Variants in TRPM3 observed in about 807,000 individuals in gnomAD.
The protein encoded by TRPM3 is long transient receptor potential channel 3.
Under a neutral mutation model 181.2 loss-of-function variants are expected in TRPM3, and 77 were observed. The ratio of observed to expected loss-of-function variants is 0.42; its 90% CI spans 0.35 to 0.51. The LOEUF is 0.51. Among genes scored for constraint, TRPM3 ranks in the 20% least tolerant of loss-of-function variants. The pLI, the probability that TRPM3 is intolerant of heterozygous loss-of-function variation, is 0.01. For synonymous variants in TRPM3, 745 were observed against 796.4 expected, an observed-to-expected ratio of 0.94 and a Z score of 1.09; for missense variants, 1,759 against 2,196.7, an observed-to-expected ratio of 0.80 and a Z score of 3.98.
At chr9:70,923,820 CTCTCTCTCTA>C (rs1317570983) in intron 1 of TRPM3, among the ~76,000 whole-genome samples, 16 of 140,502 alleles carry the variant, frequency 1.1e-4, no homozygotes, top group Admixed American at 2.1e-4. Context: ...CTCTCTCTCT[CTCTCTCTCTA>C]TATATATATA....
At chr9:70,749,146 A>G (rs1319218185) in intron 8 of TRPM3, among the ~76,000 whole-genome samples, 1 of 152,092 alleles carries the variant, frequency 6.6e-6, no homozygotes. Context: ...TACAGTCCCA[A>G]TGTCCTGGGA....
chr9:71,353,503 C>T (rs562529400), intron 1 of TRPM3, among the ~76,000 whole-genome samples: 1 of 152,242 alleles, frequency 6.6e-6, no homozygotes, highest in South Asian at 2.1e-4. Context: ...GGGTTAAGGG[C>T]AATCAACAGT....
chr9:71,293,780 C>T (rs2086027451), intron 1 of TRPM3, among the ~76,000 whole-genome samples: 1 of 151,824 alleles, frequency 6.6e-6, no homozygotes, highest in African/African-American at 2.4e-5. Flanking sequence ...TATATCCCTA[C>T]CAGTTATTAA....
intron 1 of TRPM3, among the ~76,000 whole-genome samples, chr9:70,922,800 G>T (rs1041320557): frequency 6.6e-6 from 1 of 152,070 alleles, no homozygotes; most frequent in African/African-American, 2.4e-5. Context: ...TCTCAGTCTC[G>T]TTTTCTTTCC....
At chr9:70,754,602 C>G (rs1278234821) in intron 8 of TRPM3, among the ~76,000 whole-genome samples, 1 of 152,134 alleles carries the variant, frequency 6.6e-6, no homozygotes, top group Non-Finnish European at 1.5e-5. Context: ...CCACAGCACC[C>G]AGAGGCCCAT....
At chr9:71,276,883 T>C (rs2132163771) in intron 1 of TRPM3, among the ~76,000 whole-genome samples, 1 of 152,248 alleles carries the variant, frequency 6.6e-6, no homozygotes, top group East Asian at 1.9e-4. Context: ...GCAATAAAAC[T>C]GGAAAACCCC....
intron 1 of TRPM3, among the ~76,000 whole-genome samples, chr9:71,324,670 T>C (rs563790402): frequency 3.9e-5 from 6 of 152,206 alleles, no homozygotes; most frequent in Non-Finnish European, 5.9e-5. Flanking sequence ...TGCACTCACA[T>C]GTTTATAGCA....
In TRPM3 at chr9:71,121,578, A is replaced by G; in HGVS notation, c.-224T>C. The G allele has an allele frequency of 1.5e-6, 2 of 1,332,042 alleles. No individual in the cohort carries two copies. The highest frequency in any genetic ancestry group is 9.6e-7 in the Non-Finnish European group (1 of 1,043,274). 82.5% of individuals were successfully genotyped at this position (1,332,042 alleles called of 1,614,324 possible). ...ATTTTGAAGAAGAGGGACAGCCTGC[A>G]CAAAACAGCCTGTGGTCGGAGTCAA... On this transcript the variant is annotated 5_prime_UTR_variant, in exon 1 of 26. Coordinates refer to ENST00000677713, the MANE Select transcript of TRPM3 (RefSeq NM_001366145.2).
Position 71,404,395 on chromosome 9 carries a change from A to G in TRPM3, c.183+42258T>C, listed in dbSNP as rs867961846. On this transcript the variant is annotated intron_variant, in intron 1 of 24. Coordinates refer to the TRPM3 transcript ENST00000357533. ...CTGAACAACATAGTATAACATGGGA[A>G]TCTTTTTAGGATTTGAAATTATACC... Among the ~76,000 whole-genome samples the G allele has an allele frequency of 3.9e-5, 6 of 152,310 alleles. No homozygotes were observed. In the Middle Eastern group the frequency reaches 0.01, roughly 259 times the overall value.
chr9:70,802,015 G>C (rs1348639514), intron 6 of TRPM3, among the ~76,000 whole-genome samples: 2 of 152,220 alleles, frequency 1.3e-5, no homozygotes, highest in African/African-American at 4.8e-5. Flanking sequence ...CACCTCCAGA[G>C]CTTCTGATCA....
chr9:70,599,954 C>T (rs1038466223), intron 20 of TRPM3, among the ~76,000 whole-genome samples: 2 of 152,106 alleles, frequency 1.3e-5, no homozygotes, highest in African/African-American at 4.8e-5. Context: ...CCCTTTGTAC[C>T]CCAGGCCTGT....
At chr9:70,848,414 C>A (rs1457880389) in intron 3 of TRPM3, among the ~76,000 whole-genome samples, 4 of 151,964 alleles carry the variant, frequency 2.6e-5, no homozygotes, top group Non-Finnish European at 5.9e-5. Flanking sequence ...GGGGAGGAGG[C>A]AATATTGGAA....
chr9:70,536,798 C>G lies in TRPM3; in HGVS notation c.4315G>C (p.Gly1439Arg). 1.2e-6 allele frequency: 2 copies of G among 1,614,156 alleles called. No individual in the cohort carries two copies. Among genetic ancestry groups the G allele is most frequent in the Non-Finnish European group, 1.7e-6 (2 of 1,180,036 alleles). The change falls in exon 26 of 26, where the codon GGC becomes CGC. Residue 1439 changes from glycine (G) to arginine (R), a missense_variant. Around this residue, in one of 8 missense-constraint regions of TRPM3, gnomAD observed 612 missense variants for 590.0 expected, o/e 1.04. Transcript: ENST00000677713. ...ACTGGAGTTGAAAAGCTTGGCTCGC[C>G]CAGCCCAAGGATGTTCACGGAATTG... Reference protein sequence around the residue: ...LDNSVNILGLGEPSFSTPVPS... With the variant: ...LDNSVNILGLREPSFSTPVPS...
intron 9 of TRPM3, among the ~76,000 whole-genome samples, chr9:70,643,165 T>C (rs1265450531): frequency 6.6e-6 from 1 of 152,206 alleles, no homozygotes; most frequent in African/African-American, 2.4e-5. Flanking sequence ...CCAGGGTAAC[T>C]GGCATACACA....
At position 70,887,743 on chromosome 9, in the gene TRPM3, C is replaced by G. The variant is rs1407119405; in HGVS notation, c.178-23232G>C. Among the ~76,000 whole-genome samples, 3 of 152,128 alleles carry G rather than the reference C, an allele frequency of 2.0e-5. No individual in the cohort carries two copies. The East Asian group carries it at 5.8e-4, about 29-fold the overall frequency. ...TCAACATCTGTTTGTCAATTACCAT[C>G]TCATTTCTTTACCACCAGAGAATGG... On this transcript the variant is annotated intron_variant, in intron 1 of 25. Transcript: ENST00000677713.
At chr9:70,562,901 G>A (rs1317185360) in intron 22 of TRPM3, among the ~76,000 whole-genome samples, 1 of 152,076 alleles carries the variant, frequency 6.6e-6, no homozygotes, top group Non-Finnish European at 1.5e-5. Context: ...TTAGGAGATC[G>A]ATTGCATTAA....
chr9:70,746,673 A>G (rs906143721), intron 8 of TRPM3, among the ~76,000 whole-genome samples: 1 of 152,096 alleles, frequency 6.6e-6, no homozygotes, highest in East Asian at 1.9e-4. Context: ...TGGTATAACT[A>G]TATTTATCAC....
At chr9:70,798,709 C>T (rs1050365244) in intron 6 of TRPM3, among the ~76,000 whole-genome samples, 1 of 152,118 alleles carries the variant, frequency 6.6e-6, no homozygotes, top group African/African-American at 2.4e-5. Flanking sequence ...TACCTTAGGA[C>T]TAGAAGAGCT....
intron 1 of TRPM3, among the ~76,000 whole-genome samples, chr9:71,356,803 C>A (rs1347921102): frequency 2.0e-5 from 3 of 151,960 alleles, no homozygotes; most frequent in Non-Finnish European, 2.9e-5. Flanking sequence ...GTATTCCAGC[C>A]CCGAGCCCCA....
Sources: gnomAD v4.1 joint callset for allele counts (sites outside exome capture counted in the v4.1 genomes callset) on GRCh38, gnomAD v4.1.1 for gene constraint, gnomAD v4.1.1 regional missense constraint, MANE v1.5 for transcripts, NCBI Gene and HGNC (gene_info 2026-07-23, HGNC 2026-07-21) for gene names.